N4BP2: variants seen among roughly 807,000 people sequenced by gnomAD.
N4BP2 encodes NEDD4 binding protein 2, also known as NEDD4-binding protein 2.
A neutral mutation model predicts 152.8 loss-of-function variants in N4BP2; 91 were observed. That is an observed-to-expected ratio of 0.60 (90% CI 0.50 to 0.71). The LOEUF (loss-of-function observed/expected upper bound fraction) is 0.71. Ranked by LOEUF, N4BP2 falls within the 30% of genes least tolerant of loss-of-function variation. The pLI, the probability that N4BP2 is intolerant of heterozygous loss-of-function variation, is 0.00. For synonymous variants in N4BP2, 646 were observed against 705.3 expected, an observed-to-expected ratio of 0.92 and a Z score of 1.33; for missense variants, 1,923 against 2,059.1, an observed-to-expected ratio of 0.93 and a Z score of 1.28.
At chr4:40,127,265 C>G (rs1718496634) in intron 12 of N4BP2, among the ~76,000 whole-genome samples, 2 of 152,054 alleles carry the variant, frequency 1.3e-5, no homozygotes, top group Admixed American at 6.6e-5. Context: ...GTTGCCCAGG[C>G]TGGAGTGCAA....
chr4:40,160,662 A>T (rs1202281950), downstream of N4BP2, among the ~76,000 whole-genome samples: 1 of 152,220 alleles, frequency 6.6e-6, no homozygotes, highest in Non-Finnish European at 1.5e-5. Flanking sequence ...TTTCACATGC[A>T]TTTCTTAGTT....
the N4BP2 span, among the ~76,000 whole-genome samples, chr4:40,183,603 C>T: frequency 8.5e-5 from 13 of 152,182 alleles, no homozygotes; most frequent in African/African-American, 2.9e-4. Flanking sequence ...CCCAAAGTGC[C>T]GGGATTACAG....
chr4:40,125,353 T>C (rs1210212079), intron 11 of N4BP2, among the ~76,000 whole-genome samples: 1 of 152,232 alleles, frequency 6.6e-6, no homozygotes, highest in Non-Finnish European at 1.5e-5. Context: ...TTCAGTTCCT[T>C]ATTTTGAATA....
chr4:40,090,310 A>G (rs1420019416), intron 2 of N4BP2, among the ~76,000 whole-genome samples: 1 of 152,234 alleles, frequency 6.6e-6, no homozygotes, highest in Non-Finnish European at 1.5e-5. Flanking sequence ...ATATCTATAA[A>G]AAAATCTTGC....
At chr4:40,119,860 C>T (rs938101956) in intron 8 of N4BP2, 72 bp from the exon 9 acceptor site, 8 of 687,482 alleles carry the variant, frequency 1.2e-5, no homozygotes, top group Non-Finnish European at 1.5e-5. Flanking sequence ...TCAATTAATG[C>T]TTCTTTAAAT....
At chr4:40,079,537 A>C (rs772893604) in intron 2 of N4BP2, among the ~76,000 whole-genome samples, 1 of 151,688 alleles carries the variant, frequency 6.6e-6, no homozygotes, top group Non-Finnish European at 1.5e-5. Flanking sequence ...TTGCCATAAC[A>C]CTATTAGAGA....
chr4:40,067,478 C>T (rs142439900), intron 1 of N4BP2, among the ~76,000 whole-genome samples: 57 of 151,388 alleles, frequency 3.8e-4, no homozygotes, highest in Non-Finnish European at 6.8e-4. Context: ...TTGTGAATAA[C>T]GCTGTGATAA....
intron 12 of N4BP2, among the ~76,000 whole-genome samples, chr4:40,130,811 T>C (rs1428125307): frequency 6.6e-6 from 1 of 152,228 alleles, no homozygotes; most frequent in African/African-American, 2.4e-5. Flanking sequence ...TTTGAAACTG[T>C]ATAGGAAGTT....
chr4:40,133,028 C>T (rs2110016386), intron 13 of N4BP2, among the ~76,000 whole-genome samples: 1 of 152,084 alleles, frequency 6.6e-6, no homozygotes, highest in East Asian at 1.9e-4. Flanking sequence ...ATTTTTCCCT[C>T]TGCTGTGGAA....
At position 40,142,777 on chromosome 4, in the gene N4BP2, A is replaced by T. The variant is rs1008588004; in HGVS notation, c.4890A>T (p.Gln1630His). ...ACAGAGCAGAGGCTTTCCTTCACCAACAGAAGAGGATGGAGTGCTACAGCA... is the reference window on the plus strand; with the variant it reads ...ACAGAGCAGAGGCTTTCCTTCACCATCAGAAGAGGATGGAGTGCTACAGCA... ...DDYRAEAFLH[Q>H]QKRMECYSKA... The change falls in exon 15 of 18, where the codon CAA (glutamine) becomes CAT (histidine). Residue 1630 changes from glutamine to histidine, a missense_variant. By Grantham distance (24) the Gln-to-His change is conservative. Transcript: ENST00000261435. The T allele has an allele frequency of 2.0e-5, 33 of 1,614,038 alleles. No individual in the cohort carries two copies. Among genetic ancestry groups the T allele is most frequent in the African/African-American group, 4.0e-5 (3 of 74,934 alleles).
chr4:40,165,434 A>G, the N4BP2 span, among the ~76,000 whole-genome samples: 1 of 152,120 alleles, frequency 6.6e-6, no homozygotes, highest in Non-Finnish European at 1.5e-5. Flanking sequence ...TTTATAGTAG[A>G]GATGGGGTTT....
At chr4:40,104,802 G>A (rs1716081193) in intron 4 of N4BP2, among the ~76,000 whole-genome samples, 1 of 148,198 alleles carries the variant, frequency 6.7e-6, no homozygotes, top group East Asian at 2.2e-4. Context: ...TAGAACCTGC[G>A]TTGTCTTTTT....
At position 40,123,198 on chromosome 4, in the gene N4BP2, A is replaced by G; in HGVS notation, c.4270A>G (p.Lys1424Glu). ...NLAKVIHEKW[K>E]ESVMERQRQE... is the part of the protein sequence containing the mutation. Reference sequence around the variant, plus strand: ...GGCGAAAGTGATTCATGAGAAATGGAAAGAATCTGTAATGGTTGGTAGGCT... The same window carrying G: ...GGCGAAAGTGATTCATGAGAAATGGGAAGAATCTGTAATGGTTGGTAGGCT... Residue 1424 changes from lysine to glutamate, a missense_variant, in exon 10 of 18, where the codon AAA becomes GAA. Physicochemically the swap from Lys to Glu is moderately conservative, Grantham distance 56. Coordinates refer to ENST00000261435, the MANE Select transcript of N4BP2 (RefSeq NM_018177.6). 1.9e-6 allele frequency: 3 copies of G among 1,610,172 alleles called. No individual in the cohort carries two copies. Among genetic ancestry groups the G allele is most frequent in the Non-Finnish European group, 2.5e-6 (3 of 1,176,612 alleles).
At chr4:40,091,829 GA>G (rs1304378926) in intron 2 of N4BP2, among the ~76,000 whole-genome samples, 3 of 147,264 alleles carry the variant, frequency 2.0e-5, no homozygotes, top group African/African-American at 7.5e-5. Flanking sequence ...GGCTGGTCCT[GA>G]ACTCCTGGGC....
chr4:40,163,243 A>G (rs1337306352), downstream of N4BP2, among the ~76,000 whole-genome samples: 3 of 152,232 alleles, frequency 2.0e-5, no homozygotes, highest in Non-Finnish European at 4.4e-5. Flanking sequence ...GGTACTTTGC[A>G]AATGTACCTA....
At chr4:40,064,503 G>A (rs537492812) in intron 1 of N4BP2, among the ~76,000 whole-genome samples, 1 of 152,000 alleles carries the variant, frequency 6.6e-6, no homozygotes, top group Non-Finnish European at 1.5e-5. Flanking sequence ...TCAAACTCCC[G>A]ACCTTGTGAT....
intron 16 of N4BP2, among the ~76,000 whole-genome samples, chr4:40,150,916 A>T (rs1427365921): frequency 6.6e-6 from 1 of 152,182 alleles, no homozygotes; most frequent in East Asian, 1.9e-4. Context: ...ATAAGATATG[A>T]TGGTGCCATT....
rs760890885 is a variant in N4BP2 at position 40,102,690 on chromosome 4, C to T, written c.845C>T (p.Ala282Val). 2.5e-6 allele frequency: 4 copies of T among 1,614,188 alleles called. No homozygotes were observed. In the South Asian group the frequency reaches 4.4e-5, roughly 18 times the overall value. ...SECVEAQFSE[A>V]PVDLDASEPQ... ...TGCGTTGAGGCTCAATTCTCTGAAG[C>T]TCCTGTAGATTTGGATGCCAGTGAA... Residue 282 changes from alanine to valine, a missense_variant, in exon 4 of 18, where the codon GCT becomes GTT. By Grantham distance (64) the Ala-to-Val change is moderately conservative (BLOSUM62 0). Transcript: ENST00000261435.
At chr4:40,127,918 C>T (rs1224794061) in intron 12 of N4BP2, among the ~76,000 whole-genome samples, 3 of 152,148 alleles carry the variant, frequency 2.0e-5, no homozygotes, top group Non-Finnish European at 2.9e-5. Context: ...GCCTCGGCCT[C>T]CCAGAGTGCT....
Sources: gnomAD v4.1 joint callset for allele counts (sites outside exome capture counted in the v4.1 genomes callset) on GRCh38, gnomAD v4.1.1 for gene constraint, MANE v1.5 for transcripts, NCBI Gene and HGNC (gene_info 2026-07-23, HGNC 2026-07-21) for gene names.